The following GREB1 variants were observed in gnomAD, a reference collection of about 807,000 sequenced individuals.
GREB1 encodes the protein protein GREB1.
A neutral mutation model predicts 200.7 loss-of-function variants in GREB1; 106 were observed. That is an observed-to-expected ratio of 0.53 (90% CI 0.45 to 0.62). The LOEUF is 0.62. Ranked by LOEUF, GREB1 falls within the 20% of genes least tolerant of loss-of-function variation. The pLI is 0.00. For missense variants in GREB1, 2,243 were observed against 2,556.8 expected, an observed-to-expected ratio of 0.88 and a Z score of 2.65; for synonymous variants, 1,132 against 1,092.4, an observed-to-expected ratio of 1.04 and a Z score of -0.72.
At chr2:11,598,260 G>T (rs1028827220) in intron 14 of GREB1, among the ~76,000 whole-genome samples, 2 of 152,230 alleles carry the variant, frequency 1.3e-5, no homozygotes, top group Non-Finnish European at 2.9e-5. Flanking sequence ...GTACTTTCAA[G>T]GATATCATAT....
At chr2:11,491,796 C>G (rs1015399791) in intron 1 of GREB1, among the ~76,000 whole-genome samples, 2 of 152,170 alleles carry the variant, frequency 1.3e-5, no homozygotes, top group African/African-American at 4.8e-5. Flanking sequence ...GGCCCAGCAG[C>G]CAGTTTTCTT....
Position 11,640,483 on chromosome 2 carries a change from A to G in GREB1, c.*29A>G. ...AGACAGCGGCGAGTTTTCTGAAGAG[A>G]TGAGTGCTCAGAGCCCTCATGCTGT... On this transcript the variant is annotated 3_prime_UTR_variant, in exon 33 of 33. Coordinates refer to ENST00000381486, the MANE Select transcript of GREB1 (RefSeq NM_014668.4). The surrounding 1 kb of genome is among the most constrained non-coding windows in gnomAD (Gnocchi z 4.6). The G allele has an allele frequency of 6.2e-7, 1 of 1,612,828 alleles. No homozygotes were observed. Among genetic ancestry groups the G allele is most frequent in the Non-Finnish European group, 8.5e-7 (1 of 1,179,204 alleles).
chr2:11,635,636 G>A (rs1020166196), intron 30 of GREB1, among the ~76,000 whole-genome samples: 11 of 152,192 alleles, frequency 7.2e-5, no homozygotes, highest in African/African-American at 2.7e-4. Flanking sequence ...TCCTCTGGGT[G>A]CAAGGCTACA....
At chr2:11,601,264 T>C (rs11688915) in intron 16 of GREB1, among the ~76,000 whole-genome samples, 144,338 of 152,254 alleles carry the variant, frequency 0.95, 68,802 homozygotes, top group Non-Finnish European at 1. Flanking sequence ...GAGCAGCATG[T>C]GGAATGTTTG....
chr2:11,547,061 C>T lies in GREB1; in HGVS notation c.-161-9393C>T, dbSNP rs368596430. On this transcript the variant is annotated intron_variant, in intron 1 of 32. Coordinates refer to ENST00000381486, the MANE Select transcript of GREB1 (RefSeq NM_014668.4). ...CTGGGCTCAAGTGATTCTCCTGCCTCGGCCTCCCGAGTAGCTGGGATTACA... is the reference window on the plus strand; with the variant it reads ...CTGGGCTCAAGTGATTCTCCTGCCTTGGCCTCCCGAGTAGCTGGGATTACA... Among the ~76,000 whole-genome samples the T allele has an allele frequency of 4.2e-3, 633 of 151,768 alleles. 5 individuals carry two copies. Among genetic ancestry groups the T allele is most frequent in the African/African-American group, 0.014 (577 of 41,356 alleles).
intron 1 of GREB1, among the ~76,000 whole-genome samples, chr2:11,483,400 T>G (rs1572534767): frequency 6.6e-6 from 1 of 151,228 alleles, no homozygotes; most frequent in Non-Finnish European, 1.5e-5. Context: ...CCTCGGTAGG[T>G]GGGAGCCGTG....
intron 1 of GREB1, 123 bp from the exon 2 acceptor site, chr2:11,556,331 G>T (rs977962203): frequency 4.2e-6 from 1 of 239,612 alleles, no homozygotes; most frequent in Non-Finnish European, 7.9e-6. Flanking sequence ...TGGGAGTCCT[G>T]TGAAACCTGG....
At chr2:11,507,273 G>C (rs1007796874) in intron 1 of GREB1, among the ~76,000 whole-genome samples, 2 of 152,106 alleles carry the variant, frequency 1.3e-5, no homozygotes, top group Non-Finnish European at 2.9e-5. Flanking sequence ...GCCAGGCGTG[G>C]TGGCAGGTGC....
intron 1 of GREB1, among the ~76,000 whole-genome samples, chr2:11,520,490 T>A (rs561256272): frequency 4.1e-4 from 62 of 152,300 alleles, no homozygotes; most frequent in African/African-American, 1.5e-3. Context: ...TATCAGCTGC[T>A]GGCCATTCCT....
intron 1 of GREB1, among the ~76,000 whole-genome samples, chr2:11,535,255 C>A (rs1674237994): frequency 6.6e-6 from 1 of 152,210 alleles, no homozygotes; most frequent in South Asian, 2.1e-4. Flanking sequence ...GGTATGCACC[C>A]TTCTCCTGTG....
chr2:11,589,016 AC>A, intron 10 of GREB1, 85 bp downstream of exon 10: 1 of 1,036,956 alleles, frequency 9.6e-7, no homozygotes, highest in South Asian at 1.3e-5. Flanking sequence ...GTGGGGGCTG[AC>A]TTGGGCTGCT....
Position 11,640,570 on chromosome 2 carries a change from C to T in GREB1, c.*116C>T. 8.4e-7 allele frequency: 1 copy of T among 1,186,544 alleles called. No homozygotes were observed. The allele number at this position is 1,186,544 out of a possible 1,614,324, so 73.5% of individuals were successfully genotyped here. The stretch of plus-strand genomic sequence containing the variant: ...GACTGGAATGGACCCCAGGGACTGT[C>T]CAGGTGCAGCCCCTCCTAGTACACA... On this transcript the variant is annotated 3_prime_UTR_variant, in exon 33 of 33. Transcript: ENST00000381486. This position sits in a 1 kb window ranked among gnomAD's most constrained non-coding sequence, Gnocchi z 4.6.
At position 11,629,780 on chromosome 2, in the gene GREB1, A is replaced by G. The variant is rs1226954253; in HGVS notation, c.4450-168A>G. On this transcript the variant is annotated intron_variant, in intron 25 of 32. Transcript: ENST00000381486. This position sits in a 1 kb window ranked among gnomAD's most constrained non-coding sequence, Gnocchi z 5.2. ...GGCCTCGGGCGTGCTTGCCCTGTCA[A>G]CAGACCTGGGTGTCTGCACTTTGCA... Among the ~76,000 whole-genome samples the G allele has an allele frequency of 6.6e-6, 1 of 152,140 alleles. No homozygotes were observed. Among genetic ancestry groups the G allele is most frequent in the African/African-American group, 2.4e-5 (1 of 41,430 alleles).
At chr2:11,485,852 C>T (rs1672644456) in intron 1 of GREB1, among the ~76,000 whole-genome samples, 1 of 152,092 alleles carries the variant, frequency 6.6e-6, no homozygotes, top group African/African-American at 2.4e-5. Flanking sequence ...TGTTCTGAGG[C>T]TATTTCAAAG....
intron 1 of GREB1, among the ~76,000 whole-genome samples, chr2:11,514,292 C>T (rs1041484875): frequency 1.3e-5 from 2 of 151,990 alleles, no homozygotes; most frequent in Non-Finnish European, 2.9e-5. Flanking sequence ...ACCATGTTAC[C>T]TACGTAAATA....
chr2:11,573,667 G>T (rs1678544190), intron 4 of GREB1, among the ~76,000 whole-genome samples: 1 of 152,182 alleles, frequency 6.6e-6, no homozygotes, highest in South Asian at 2.1e-4. Flanking sequence ...GAGCAGCTGG[G>T]TCTCCTGACC....
At chr2:11,607,314 T>C (rs1682395627) in intron 17 of GREB1, among the ~76,000 whole-genome samples, 1 of 151,962 alleles carries the variant, frequency 6.6e-6, no homozygotes, top group African/African-American at 2.4e-5. Context: ...GTGATTCTCC[T>C]GCCTTGGCCT....
chr2:11,631,421 T>TGGTTAATTGCTATATGCC (rs1296544908), intron 26 of GREB1, among the ~76,000 whole-genome samples: 1 of 152,196 alleles, frequency 6.6e-6, no homozygotes, highest in African/African-American at 2.4e-5. Flanking sequence ...GTAATGAATT[T>TGGTTAATTGCTATATGCC]GGTTAATTGC....
chr2:11,523,396 G>GA (rs1572587677), intron 1 of GREB1, among the ~76,000 whole-genome samples: 1 of 152,106 alleles, frequency 6.6e-6, no homozygotes, highest in South Asian at 2.1e-4. Flanking sequence ...GTTAAAAAAA[G>GA]AAAAAATATC....
Sources: gnomAD v4.1 joint callset for allele counts (sites outside exome capture counted in the v4.1 genomes callset) on GRCh38, gnomAD v4.1.1 for gene constraint, Gnocchi (gnomAD v3.1) non-coding constraint, MANE v1.5 for transcripts, NCBI Gene and HGNC (gene_info 2026-07-23, HGNC 2026-07-21) for gene names.